The following SORCS3 variants were observed in gnomAD, a reference collection of about 807,000 sequenced individuals.
SORCS3 encodes sortilin related VPS10 domain containing receptor 3, also known as VPS10 domain-containing receptor SorCS3.
In SORCS3, 57 loss-of-function variants were observed where a neutral mutation model predicts 146.3. The ratio of observed to expected loss-of-function variants is 0.39; its 90% CI spans 0.31 to 0.49. The LOEUF is 0.49. SORCS3 is among the 20% of genes least tolerant of loss of function. SORCS3 has a pLI of 0.92. For missense variants in SORCS3, 1,341 were observed against 1,575.5 expected, an observed-to-expected ratio of 0.85 and a Z score of 2.52; for synonymous variants, 653 against 618.5, an observed-to-expected ratio of 1.06 and a Z score of -0.83.
rs558872841 is a variant in SORCS3 at position 104,983,304 on chromosome 10, C to G, written c.954+5811C>G. ...GGTGTGAACCATGCACCGCACCCAG[C>G]CCCAAGCATGCTTTTTCTATATGAT... On this transcript the variant is annotated intron_variant, in intron 4 of 26. Transcript: ENST00000369701. 2.6e-5 allele frequency among the ~76,000 whole-genome samples: 4 copies of G among 152,268 alleles called. No homozygotes were observed. The East Asian group carries it at 7.7e-4, about 29-fold the overall frequency.
rs1564795058 is a variant in SORCS3, at chr10:105,247,261, A to ATT, written c.3036_3037dup (p.Tyr1013PhefsTer25). 6.2e-7 allele frequency: 1 copy of ATT among 1,612,410 alleles called. No homozygotes were observed. Among genetic ancestry groups the ATT allele is most frequent in the Non-Finnish European group, 8.5e-7 (1 of 1,178,596 alleles). ...CTTTTATCATTCTCTCCTAATCTGG[A>ATT]TTACCACAATCCTGACATTCCTGAG... On this transcript the variant is annotated frameshift_variant, in exon 22 of 27. Coordinates refer to ENST00000369701, the MANE Select transcript of SORCS3 (RefSeq NM_014978.3). LOFTEE classifies it high-confidence loss of function.
At chr10:104,796,800 G>A (rs529458965) in intron 1 of SORCS3, among the ~76,000 whole-genome samples, 3 of 152,128 alleles carry the variant, frequency 2.0e-5, no homozygotes, top group African/African-American at 4.8e-5. Flanking sequence ...CAAGTTCTGG[G>A]GCAGAGGCAG....
Position 104,699,094 on chromosome 10 carries a change from T to A in SORCS3, c.627+57140T>A, listed in dbSNP as rs192332957. Among the ~76,000 whole-genome samples, 213 of 152,254 alleles carry A rather than the reference T, an allele frequency of 1.4e-3. 1 individual carries two copies. Among genetic ancestry groups the A allele is most frequent in the Middle Eastern group, 6.8e-3 (2 of 294 alleles). ...TTAGTTTCCAGAGGAACTTACAGAG[T>A]GCCCAAATCACTGATTCCTGGGACG... On this transcript the variant is annotated intron_variant, in intron 1 of 26. Coordinates refer to ENST00000369701, the MANE Select transcript of SORCS3 (RefSeq NM_014978.3).
intron 26 of SORCS3, 42 bp from the exon 27 acceptor site, chr10:105,263,268 G>A (rs2056972124): frequency 1.9e-6 from 3 of 1,595,406 alleles, no homozygotes; most frequent in South Asian, 1.1e-5. Flanking sequence ...TGCCCTTGTG[G>A]AACTCACATC....
At chr10:104,881,148 A>T (rs72815674) in intron 2 of SORCS3, among the ~76,000 whole-genome samples, 30 of 152,346 alleles carry the variant, frequency 2.0e-4, no homozygotes, top group Non-Finnish European at 3.8e-4. Context: ...GACAGATGCT[A>T]GCATACTGGT....
chr10:105,018,209 C>T (rs770106560), intron 4 of SORCS3, among the ~76,000 whole-genome samples: 3 of 152,206 alleles, frequency 2.0e-5, no homozygotes, highest in South Asian at 2.1e-4. Context: ...TGTTCTCAGG[C>T]GACGTTCCCC....
chr10:104,720,391 G>T (rs2016532334), intron 1 of SORCS3, among the ~76,000 whole-genome samples: 1 of 152,164 alleles, frequency 6.6e-6, no homozygotes. Flanking sequence ...GGACATTTGG[G>T]TTGGTTCCAA....
intron 4 of SORCS3, among the ~76,000 whole-genome samples, chr10:105,035,780 G>A (rs113896409): frequency 0.059 from 8,945 of 152,166 alleles, 776 homozygotes; most frequent in African/African-American, 0.19. Context: ...AGTGCTTATA[G>A]TAATTTTTGT....
At chr10:104,716,386 A>T (rs941695980) in intron 1 of SORCS3, among the ~76,000 whole-genome samples, 6 of 152,176 alleles carry the variant, frequency 3.9e-5, no homozygotes, top group Non-Finnish European at 8.8e-5. Flanking sequence ...GATGGGGTGC[A>T]TAATGAAAAC....
intron 4 of SORCS3, among the ~76,000 whole-genome samples, chr10:104,979,677 C>T (rs1160810597): frequency 6.6e-6 from 1 of 152,070 alleles, no homozygotes; most frequent in Non-Finnish European, 1.5e-5. Context: ...GTGCCAGGTG[C>T]TTAATGCCAT....
chr10:105,178,950 G>T (rs2056425716), intron 14 of SORCS3, among the ~76,000 whole-genome samples: 2 of 152,172 alleles, frequency 1.3e-5, no homozygotes, highest in Non-Finnish European at 2.9e-5. Flanking sequence ...CGGTGGAAGG[G>T]TGTATGATCT....
At chr10:104,677,396 A>C (rs1379638151) in intron 1 of SORCS3, among the ~76,000 whole-genome samples, 6 of 152,258 alleles carry the variant, frequency 3.9e-5, no homozygotes, top group Non-Finnish European at 8.8e-5. Context: ...AATATAACAC[A>C]ACCTTAAAAA....
chr10:105,011,381 TTTTG>T (rs1431517953), intron 4 of SORCS3, among the ~76,000 whole-genome samples: 1 of 152,152 alleles, frequency 6.6e-6, no homozygotes, highest in Non-Finnish European at 1.5e-5. Flanking sequence ...GTGATATGCT[TTTTG>T]TCTATTTGCA....
At chr10:104,896,529 G>A (rs2018800470) in intron 2 of SORCS3, among the ~76,000 whole-genome samples, 1 of 152,240 alleles carries the variant, frequency 6.6e-6, no homozygotes, top group African/African-American at 2.4e-5. Flanking sequence ...TGTTGGTGCT[G>A]CAAGGTCAGT....
chr10:105,217,694 A>T (rs1343071917), intron 19 of SORCS3: 1 of 408,154 alleles, frequency 2.5e-6, no homozygotes, highest in Non-Finnish European at 5.0e-6. Context: ...TTGTGCTAGA[A>T]TCTATTTCAT....
intron 1 of SORCS3, among the ~76,000 whole-genome samples, chr10:104,776,402 T>G (rs750010363): frequency 6.6e-6 from 1 of 152,178 alleles, no homozygotes; most frequent in Non-Finnish European, 1.5e-5. Context: ...GCAAGGGTAG[T>G]CGGGGCTGGC....
chr10:105,079,941 T>G (rs1288556710), intron 5 of SORCS3, among the ~76,000 whole-genome samples: 1 of 152,230 alleles, frequency 6.6e-6, no homozygotes. Flanking sequence ...TACCATATTT[T>G]CTTTATCCAG....
chr10:104,709,304 C>T (rs1462041537), intron 1 of SORCS3, among the ~76,000 whole-genome samples: 1 of 152,116 alleles, frequency 6.6e-6, no homozygotes, highest in African/African-American at 2.4e-5. Context: ...CTCACTGTGT[C>T]CCTGCATAGC....
intron 1 of SORCS3, among the ~76,000 whole-genome samples, chr10:104,798,008 G>A (rs1190261288): frequency 1.3e-5 from 2 of 152,172 alleles, no homozygotes; most frequent in Non-Finnish European, 2.9e-5. Flanking sequence ...ATCAGGGAAG[G>A]TTGGGAGATG....
Sources: gnomAD v4.1 joint callset for allele counts (sites outside exome capture counted in the v4.1 genomes callset) on GRCh38, gnomAD v4.1.1 for gene constraint, MANE v1.5 for transcripts, NCBI Gene and HGNC (gene_info 2026-07-23, HGNC 2026-07-21) for gene names.